Variants in RNF38 observed in about 807,000 individuals in gnomAD.
RNF38 encodes E3 ubiquitin-protein ligase RNF38.
In RNF38, 15 loss-of-function variants were observed where a neutral mutation model predicts 67.2. The ratio of observed to expected loss-of-function variants is 0.22; its 90% CI spans 0.15 to 0.34. The LOEUF is 0.34. Among genes scored for constraint, RNF38 ranks in the 10% least tolerant of loss-of-function variants. The pLI is 1.00. For missense variants in RNF38, 524 were observed against 639.9 expected, an observed-to-expected ratio of 0.82 and a Z score of 1.95; for synonymous variants, 220 against 218.8, an observed-to-expected ratio of 1.01 and a Z score of -0.05.
chr9:36,380,256 A>G (rs956488774), intron 2 of RNF38, among the ~76,000 whole-genome samples: 2 of 152,186 alleles, frequency 1.3e-5, no homozygotes, highest in African/African-American at 4.8e-5. Flanking sequence ...GTAGAGTGCA[A>G]TGGCAGGATC....
rs908618917 is a variant in RNF38 at position 36,400,019 on chromosome 9, T to C, written c.12+78A>G. 7 of 1,279,238 alleles carry C rather than the reference T, an allele frequency of 5.5e-6. No homozygotes were observed. The Middle Eastern group carries it at 5.6e-4, about 103-fold the overall frequency. The allele number at this position is 1,279,238 out of a possible 1,614,324, so 79.2% of individuals were successfully genotyped here. The stretch of plus-strand genomic sequence containing the variant: ...ATAATTACATGTGTGTGTTTCTACT[T>C]ACGGTAGAATTAGCATACCCAACTT... On this transcript the variant is annotated intron_variant, in intron 1 of 11. Transcript: ENST00000259605.
At chr9:36,408,677 G>A (rs1838243297) in intron 2 of RNF38, among the ~76,000 whole-genome samples, 1 of 152,108 alleles carries the variant, frequency 6.6e-6, no homozygotes, top group Non-Finnish European at 1.5e-5. Flanking sequence ...AATGGGCCAT[G>A]GGTCAAAGGA....
chr9:36,472,602 TA>T (rs1840020909), intron 1 of RNF38, among the ~76,000 whole-genome samples: 1 of 152,130 alleles, frequency 6.6e-6, no homozygotes. Flanking sequence ...CATTTTGCCA[TA>T]GATCATTTTC....
chr9:36,397,104 GTTT>G (rs34047668), intron 1 of RNF38, among the ~76,000 whole-genome samples: 2 of 135,280 alleles, frequency 1.5e-5, no homozygotes, highest in African/African-American at 5.4e-5. Flanking sequence ...TATATGTTTT[GTTT>G]TTTTTTTTTT....
intron 4 of RNF38, 88 bp from the exon 5 acceptor site, chr9:36,358,030 C>CCT: frequency 9.8e-7 from 1 of 1,022,886 alleles, no homozygotes. Flanking sequence ...TTTATTGGCT[C>CCT]CTCTCTCAGC....
chr9:36,485,664 T>C (rs1205230728), intron 1 of RNF38, among the ~76,000 whole-genome samples: 1 of 152,196 alleles, frequency 6.6e-6, no homozygotes, highest in Non-Finnish European at 1.5e-5. Context: ...ATTGGGGCAG[T>C]CCTTCCCAAA....
At chr9:36,383,563 A>T (rs1225538419) in intron 2 of RNF38, among the ~76,000 whole-genome samples, 1 of 152,160 alleles carries the variant, frequency 6.6e-6, no homozygotes, top group East Asian at 1.9e-4. Context: ...GAACTACATA[A>T]TGTACACAGT....
At chr9:36,379,395 T>C (rs1476671500) in intron 2 of RNF38, among the ~76,000 whole-genome samples, 1 of 152,154 alleles carries the variant, frequency 6.6e-6, no homozygotes, top group African/African-American at 2.4e-5. Context: ...AAATAAGAAT[T>C]ATATTAACAT....
At chr9:36,354,143 A>C (rs1833914573) in intron 6 of RNF38, among the ~76,000 whole-genome samples, 1 of 152,184 alleles carries the variant, frequency 6.6e-6, no homozygotes, top group Non-Finnish European at 1.5e-5. Flanking sequence ...GAAACTGTAT[A>C]CCCATTATCA....
At chr9:36,390,763 T>A (rs2134017552) in intron 1 of RNF38, 147 bp from the exon 2 acceptor site, 1 of 882,704 alleles carries the variant, frequency 1.1e-6, no homozygotes, top group East Asian at 2.7e-5. Flanking sequence ...ATTTTAAACA[T>A]CAAAACATAA....
intron 1 of RNF38, among the ~76,000 whole-genome samples, chr9:36,438,408 CTTT>C (rs960334639): frequency 1.3e-5 from 2 of 151,424 alleles, no homozygotes; most frequent in Non-Finnish European, 2.9e-5. Context: ...CATTAAGAGA[CTTT>C]TTTTGTGATT....
chr9:36,357,730 T>C, intron 5 of RNF38, 45 bp downstream of exon 5: 2 of 1,532,136 alleles, frequency 1.3e-6, no homozygotes, highest in East Asian at 4.5e-5. Context: ...TTCAGGCTGG[T>C]GTGCTTAATA....
At chr9:36,478,725 G>A (rs1348505905) in intron 1 of RNF38, among the ~76,000 whole-genome samples, 1 of 151,328 alleles carries the variant, frequency 6.6e-6, no homozygotes, top group African/African-American at 2.4e-5. Flanking sequence ...GCTAAGGCAG[G>A]AGAATGGCTT....
Position 36,356,492 on chromosome 9 carries a change from C to A in RNF38, c.739-19G>T. The A allele has an allele frequency of 2.6e-6, 4 of 1,531,432 alleles. No individual in the cohort carries two copies. Among genetic ancestry groups the A allele is most frequent in the Non-Finnish European group, 8.8e-7 (1 of 1,141,248 alleles). 94.9% of individuals were successfully genotyped at this position (1,531,432 alleles called of 1,614,324 possible). On this transcript the variant is annotated intron_variant, in intron 5 of 11. Coordinates refer to ENST00000259605, the MANE Select transcript of RNF38 (RefSeq NM_022781.5). Reference sequence around the variant, plus strand: ...GAAGCATCTGTAAGAGAAACCATTACAGTTTGGTTAAAAATATCAGAATAT... The same window carrying A: ...GAAGCATCTGTAAGAGAAACCATTAAAGTTTGGTTAAAAATATCAGAATAT...
At chr9:36,368,242 T>C (rs1835120657) in intron 4 of RNF38, among the ~76,000 whole-genome samples, 1 of 152,224 alleles carries the variant, frequency 6.6e-6, no homozygotes, top group South Asian at 2.1e-4. Context: ...TTTCTAATTC[T>C]TGTGTTGTTC....
intron 1 of RNF38, among the ~76,000 whole-genome samples, chr9:36,447,161 C>T (rs1484932066): frequency 2.0e-5 from 3 of 151,686 alleles, no homozygotes; most frequent in Non-Finnish European, 4.4e-5. Context: ...TGATTAAGTG[C>T]TTGTGATTAA....
At chr9:36,365,210 G>C (rs755850938) in intron 4 of RNF38, among the ~76,000 whole-genome samples, 1 of 120,630 alleles carries the variant, frequency 8.3e-6, no homozygotes, top group Non-Finnish European at 1.7e-5. Context: ...ATTATGTGCC[G>C]CTTTTAAGAA....
intron 2 of RNF38, among the ~76,000 whole-genome samples, chr9:36,422,277 A>T (rs183989102): frequency 6.8e-4 from 103 of 152,138 alleles, no homozygotes; most frequent in African/African-American, 2.4e-3. Flanking sequence ...GCAAAAAATT[A>T]GCTGGCCGTG....
At chr9:36,378,099 C>T (rs1318957622) in intron 2 of RNF38, among the ~76,000 whole-genome samples, 1 of 150,906 alleles carries the variant, frequency 6.6e-6, no homozygotes, top group African/African-American at 2.4e-5. Flanking sequence ...GACAAACTTG[C>T]ACATGAACTA....
Sources: gnomAD v4.1 joint callset for allele counts (sites outside exome capture counted in the v4.1 genomes callset) on GRCh38, gnomAD v4.1.1 for gene constraint, MANE v1.5 for transcripts, NCBI Gene and HGNC (gene_info 2026-07-23, HGNC 2026-07-21) for gene names.